MSL2: variants seen among roughly 807,000 people sequenced by gnomAD.
MSL2 encodes E3 ubiquitin-protein ligase MSL2.
In MSL2, 2 loss-of-function variants were observed where a neutral mutation model predicts 35.8. The observed-to-expected ratio is 0.06, with a 90% CI of 0.02 to 0.18. The LOEUF (loss-of-function observed/expected upper bound fraction) is 0.18, where lower values mean the gene tolerates loss of function less well. MSL2 is among the 10% of genes least tolerant of loss of function. MSL2 has a pLI of 1.00. For missense variants in MSL2, 523 were observed against 706.7 expected (o/e 0.74, Z 2.95); for synonymous variants, 296 against 255.7 (o/e 1.16, Z -1.50).
At chr3:136,190,587 A>C (rs1181880028) in intron 1 of MSL2, among the ~76,000 whole-genome samples, 2 of 151,972 alleles carry the variant, frequency 1.3e-5, no homozygotes, top group Non-Finnish European at 2.9e-5. Flanking sequence ...GAGTTTGACC[A>C]TGATACTTTC....
chr3:136,194,891 C>T (rs1385645153), intron 1 of MSL2, 81 bp downstream of exon 1: 1 of 1,587,364 alleles, frequency 6.3e-7, no homozygotes, highest in Non-Finnish European at 8.6e-7. Flanking sequence ...AACCACCAGG[C>T]CGTCAACCCG....
In MSL2 at chr3:136,151,055, A is replaced by G; in HGVS notation, c.*92T>C. On this transcript the variant is annotated 3_prime_UTR_variant, in exon 2 of 2. Coordinates refer to ENST00000309993, the MANE Select transcript of MSL2 (RefSeq NM_018133.4). This position sits in a 1 kb window ranked among gnomAD's most constrained non-coding sequence, Gnocchi z 5.2. The stretch of plus-strand genomic sequence containing the variant: ...CACTTGATACAAGTGATCTATATGC[A>G]GGAGCTCCGGCAAGTTAAACCAACA... 7.4e-7 allele frequency: 1 copy of G among 1,355,508 alleles called. No individual in the cohort carries two copies. Among genetic ancestry groups the G allele is most frequent in the Non-Finnish European group, 1.0e-6 (1 of 974,854 alleles). 84.0% of individuals were successfully genotyped at this position (1,355,508 alleles called of 1,614,324 possible). A position where few individuals can be genotyped will look rare whatever the true frequency, so the allele number is the denominator to read the frequency against.
At chr3:136,177,593 G>A (rs1184150280) in intron 1 of MSL2, among the ~76,000 whole-genome samples, 1 of 151,248 alleles carries the variant, frequency 6.6e-6, no homozygotes, top group Non-Finnish European at 1.5e-5. Flanking sequence ...GCAGGAGAAT[G>A]GCATGAACCC....
At chr3:136,184,726 T>C (rs1333789046) in intron 1 of MSL2, among the ~76,000 whole-genome samples, 1 of 110,888 alleles carries the variant, frequency 9.0e-6, no homozygotes, top group African/African-American at 3.6e-5. Flanking sequence ...AGGAGCAAGT[T>C]AGATAAAGGT....
rs550239686 is a variant in MSL2, at chr3:136,156,977, C to G, written c.143-4239G>C. Among the ~76,000 whole-genome samples, 6 of 152,316 alleles carry G rather than the reference C, an allele frequency of 3.9e-5. No homozygotes were observed. In the East Asian group the frequency reaches 9.6e-4, roughly 24 times the overall value. On this transcript the variant is annotated intron_variant, in intron 1 of 1. Transcript: ENST00000309993. ...AGTTGTAAACCGAGTGATAAAACTA[C>G]ATATTGTAAAGCCCATTTTTAAAAC...
chr3:136,195,958 C>T lies in MSL2; in HGVS notation c.-845G>A. 1 of 330,022 alleles carries T rather than the reference C, an allele frequency of 3.0e-6. No individual in the cohort carries two copies. Among genetic ancestry groups the T allele is most frequent in the African/African-American group, 2.3e-5 (1 of 44,128 alleles). The allele number at this position is 330,022 out of a possible 1,614,324, so 20.4% of individuals were successfully genotyped here. ...CGGGGTCACCAGACTCAAGCGCCGC[C>T]CCCTCACTGCCCGGCCATTTTTTCG... On this transcript the variant is annotated 5_prime_UTR_variant, in exon 1 of 2. Coordinates refer to ENST00000309993, the MANE Select transcript of MSL2 (RefSeq NM_018133.4).
intron 1 of MSL2, among the ~76,000 whole-genome samples, chr3:136,171,131 CAT>C (rs1940016288): frequency 6.6e-6 from 1 of 152,116 alleles, no homozygotes; most frequent in South Asian, 2.1e-4. Flanking sequence ...GAAAATGAGA[CAT>C]GTTAAATCTT....
chr3:136,178,880 C>A (rs1940258898), intron 1 of MSL2, among the ~76,000 whole-genome samples: 1 of 151,702 alleles, frequency 6.6e-6, no homozygotes, highest in African/African-American at 2.4e-5. Context: ...TATTCCAAGA[C>A]AGCACTACTA....
intron 1 of MSL2, chr3:136,155,822 T>C (rs977340933): frequency 1.7e-6 from 1 of 577,262 alleles, no homozygotes; most frequent in Non-Finnish European, 3.5e-6. Context: ...GCCCAAGAAC[T>C]GTTCTATGTG....
At chr3:136,192,249 T>C (rs546956943) in intron 1 of MSL2, among the ~76,000 whole-genome samples, 1 of 152,334 alleles carries the variant, frequency 6.6e-6, no homozygotes, top group Admixed American at 6.5e-5. Flanking sequence ...CTCGGCTCAC[T>C]GCAACCTCTG....
rs563970501 is a variant in MSL2, at chr3:136,170,167, C to A, written c.143-17429G>T. Among the ~76,000 whole-genome samples, 964 of 151,310 alleles carry A rather than the reference C, an allele frequency of 6.4e-3. 18 individuals are homozygous for A. Among genetic ancestry groups the A allele is most frequent in the African/African-American group, 0.021 (868 of 41,226 alleles). ...GACCAGCCTGGCCAACATGGTGAAA[C>A]CCCGTCTCTACTTAAAAATATATAT... On this transcript the variant is annotated intron_variant, in intron 1 of 1. Transcript: ENST00000309993.
At chr3:136,177,655 G>C (rs1251311775) in intron 1 of MSL2, among the ~76,000 whole-genome samples, 1 of 149,394 alleles carries the variant, frequency 6.7e-6, no homozygotes, top group Admixed American at 6.7e-5. Flanking sequence ...CTCCAGCCTG[G>C]GCGACAGAGC....
In MSL2 at chr3:136,149,434, A is replaced by G. The variant is rs189349131; in HGVS notation, c.*1713T>C. The G allele has an allele frequency of 6.5e-6, 1 of 152,730 alleles. No individual in the cohort carries two copies. Among genetic ancestry groups the G allele is most frequent in the East Asian group, 1.9e-4 (1 of 5,192 alleles). 9.5% of individuals were successfully genotyped at this position (152,730 alleles called of 1,614,324 possible). A position where few individuals can be genotyped will look rare whatever the true frequency, so the allele number is the denominator to read the frequency against. ...AAATCTTGGAAAGCAAATAAAGACA[A>G]GACAACTAAGAAGCATTTTCCACCA... On this transcript the variant is annotated 3_prime_UTR_variant, in exon 2 of 2. Coordinates refer to ENST00000309993, the MANE Select transcript of MSL2 (RefSeq NM_018133.4).
intron 1 of MSL2, among the ~76,000 whole-genome samples, chr3:136,162,818 A>C (rs2108068879): frequency 6.6e-6 from 1 of 152,334 alleles, no homozygotes; most frequent in Admixed American, 6.5e-5. Flanking sequence ...ATTTCGAATG[A>C]CTATAACACA....
intron 1 of MSL2, among the ~76,000 whole-genome samples, chr3:136,173,259 A>C (rs746965159): frequency 6.6e-6 from 1 of 152,172 alleles, no homozygotes; most frequent in African/African-American, 2.4e-5. Flanking sequence ...TAAACTGGTG[A>C]CTTCTGAATC....
chr3:136,171,763 G>A (rs1047016637), intron 1 of MSL2, among the ~76,000 whole-genome samples: 2 of 152,126 alleles, frequency 1.3e-5, no homozygotes, highest in Non-Finnish European at 2.9e-5. Context: ...ATGATTCCAA[G>A]ACGTATGGCC....
At chr3:136,192,071 T>G (rs1940705202) in intron 1 of MSL2, among the ~76,000 whole-genome samples, 1 of 152,236 alleles carries the variant, frequency 6.6e-6, no homozygotes, top group South Asian at 2.1e-4. Context: ...AAGTTTATTA[T>G]ATGTATCAAG....
rs1324212951 is a variant in MSL2, at chr3:136,195,161, A to T, written c.-48T>A. 1.3e-6 allele frequency: 2 copies of T among 1,568,720 alleles called. No individual in the cohort carries two copies. The highest frequency in any genetic ancestry group is 8.6e-7 in the Non-Finnish European group (1 of 1,159,370). ...GCTCCCGGTTGAAAAGAAATTCCGG[A>T]TCCAACTTAGTAAGCAGCCAGGGAA... On this transcript the variant is annotated 5_prime_UTR_variant, in exon 1 of 2. Coordinates refer to ENST00000309993, the MANE Select transcript of MSL2 (RefSeq NM_018133.4).
At chr3:136,174,993 A>T (rs567631121) in intron 1 of MSL2, among the ~76,000 whole-genome samples, 1 of 152,222 alleles carries the variant, frequency 6.6e-6, no homozygotes, top group Non-Finnish European at 1.5e-5. Context: ...ACCGATGCTG[A>T]TCAACCCAAA....
Sources: allele counts gnomAD v4.1 joint callset (sites outside exome capture counted in the v4.1 genomes callset), GRCh38; gene constraint gnomAD v4.1.1; non-coding constraint Gnocchi (gnomAD v3.1); transcripts MANE v1.5; gene names NCBI Gene and HGNC (gene_info 2026-07-23, HGNC 2026-07-21).